SGO1: variants seen among roughly 807,000 people sequenced by gnomAD.
SGO1 encodes the protein shugoshin 1, also known as serologically defined breast cancer antigen NY-BR-85.
A neutral mutation model predicts 50.5 loss-of-function variants in SGO1; 39 were observed. The ratio of observed to expected loss-of-function variants is 0.77; its 90% confidence interval spans 0.60 to 1.01. The LOEUF is 1.01. Ranked by LOEUF, SGO1 falls within the 50% of genes least tolerant of loss-of-function variation. SGO1 has a pLI of 0.00. For missense variants in SGO1, 638 were observed against 606.0 expected, an observed-to-expected ratio of 1.05 and a Z score of -0.55; for synonymous variants, 191 against 205.1, an observed-to-expected ratio of 0.93 and a Z score of 0.59.
chr3:20,166,558 T>C (rs1384497461), downstream of SGO1, among the ~76,000 whole-genome samples: 1 of 151,904 alleles, frequency 6.6e-6, no homozygotes, highest in Non-Finnish European at 1.5e-5. Flanking sequence ...GTAAAAGTAG[T>C]GGTTACCAGA....
At chr3:20,162,670 C>A (rs887680612) in intron 8 of SGO1, among the ~76,000 whole-genome samples, 1 of 151,724 alleles carries the variant, frequency 6.6e-6, no homozygotes, top group Non-Finnish European at 1.5e-5. Context: ...ATAATGGAAT[C>A]GGCAGATAGG....
Position 20,174,716 on chromosome 3 carries a change from A to G in SGO1, c.815T>C (p.Ile272Thr), listed in dbSNP as rs762077557. The G allele has an allele frequency of 3.7e-6, 6 of 1,613,788 alleles. No homozygotes were observed. The Admixed American group carries it at 1.0e-4, about 27-fold the overall frequency. Residue 272 changes from isoleucine to threonine, a missense_variant, in exon 6 of 8, where the codon ATT (isoleucine) becomes ACT (threonine). Ile to Thr is a moderately conservative substitution (Grantham distance 89, BLOSUM62 -1). Transcript: ENST00000412997. The stretch of plus-strand genomic sequence containing the variant: ...AGTTTGTTCAGATTTAGATTCTAAA[A>G]TGTCTTCTTTTGTTTTAGTAAACGT... ...PGTFTKTKED[I>T]LESKSEQTKS...
downstream of SGO1, among the ~76,000 whole-genome samples, chr3:20,167,184 A>G (rs1413545617): frequency 1.3e-5 from 2 of 152,194 alleles, no homozygotes; most frequent in African/African-American, 4.8e-5. Flanking sequence ...GAAAGAAGAC[A>G]TTAGTCAATG....
intron 6 of SGO1, among the ~76,000 whole-genome samples, chr3:20,172,792 T>TAA (rs60411282): frequency 0.073 from 7,255 of 98,866 alleles, 628 homozygotes; most frequent in East Asian, 0.2. Flanking sequence ...TCACAAAAAG[T>TAA]AAAAAAAAAA....
rs763711490 is a variant in SGO1, at chr3:20,174,701, G to C, written c.830C>G (p.Ser277Cys). ...TCTTTGCTTACTTTTAGTTTGTTCAGATTTAGATTCTAAAATGTCTTCTTT... is the reference window on the plus strand; with the variant it reads ...TCTTTGCTTACTTTTAGTTTGTTCACATTTAGATTCTAAAATGTCTTCTTT... The part of the protein sequence containing the change: ...KTKEDILESK[S>C]EQTKSKQRDT... The change falls in exon 6 of 8, where the codon TCT (serine) becomes TGT (cysteine). Residue 277 changes from serine to cysteine, a missense_variant. Physicochemically the swap from Ser to Cys is moderately radical, Grantham distance 112. Coordinates refer to ENST00000412997, the MANE Select transcript of SGO1 (RefSeq NM_001199251.3). 7.3e-5 allele frequency: 118 copies of C among 1,613,176 alleles called. 1 individual carries two copies. Among genetic ancestry groups the C allele is most frequent in the South Asian group, 5.7e-4 (52 of 91,032 alleles).
rs779330556 is a variant in SGO1 at position 20,161,210 on chromosome 3, TG to T, written c.1580del (p.Ser527TyrfsTer34). Reference sequence around the variant, plus strand: ...AAATAAAAATTGCTTCTTTGGCAGGTGATACCTCCAGGGCTCCTGGTAAAAG... The same window carrying T: ...AAATAAAAATTGCTTCTTTGGCAGGTATACCTCCAGGGCTCCTGGTAAAAG... On this transcript the variant is annotated frameshift_variant, in exon 9 of 9. Coordinates refer to the SGO1 transcript ENST00000263753. LOFTEE classifies it high-confidence loss of function. 1 of 1,605,008 alleles carries T rather than the reference TG, an allele frequency of 6.2e-7. No individual in the cohort carries two copies. The highest frequency in any genetic ancestry group is 8.5e-7 in the Non-Finnish European group (1 of 1,175,704).
At chr3:20,180,549 G>A (rs181758451) in intron 3 of SGO1, among the ~76,000 whole-genome samples, 13 of 152,268 alleles carry the variant, frequency 8.5e-5, no homozygotes, top group Middle Eastern at 6.8e-3. Flanking sequence ...TAGAGGAGGT[G>A]AGAAGAGAAA....
chr3:20,175,495 T>C (rs1389598525), intron 5 of SGO1, among the ~76,000 whole-genome samples: 1 of 152,182 alleles, frequency 6.6e-6, no homozygotes, highest in Non-Finnish European at 1.5e-5. Context: ...TCAATCTTTA[T>C]AATCTTTAAA....
At position 20,170,734 on chromosome 3, in the gene SGO1, ACG is replaced by A. The variant is rs1275971921; in HGVS notation, c.1552_1553del (p.Arg518PhefsTer2). 6.3e-7 allele frequency: 1 copy of A among 1,589,110 alleles called. No individual in the cohort carries two copies. Among genetic ancestry groups the A allele is most frequent in the East Asian group, 2.3e-5 (1 of 44,364 alleles). ...GTATTTGTTTCATACTTTTTTTAGA[ACG>A]TCTCAAATCCTTTTTCTGCTTGAAA... ...PIFKQKKDLR[R>X]SKKSMKQIQ On this transcript the variant is annotated frameshift_variant, in exon 8 of 8. Coordinates refer to ENST00000412997, the MANE Select transcript of SGO1 (RefSeq NM_001199251.3). LOFTEE classifies it high-confidence loss of function.
chr3:20,186,513 C>T (rs17006711), upstream of SGO1: 44,756 of 152,198 alleles, frequency 0.29, 7,811 homozygotes, highest in East Asian at 0.73. Flanking sequence ...CTGACAGCTT[C>T]AAATGTCCCG....
intron 6 of SGO1, among the ~76,000 whole-genome samples, chr3:20,173,439 T>C (rs1482104052): frequency 6.6e-6 from 1 of 152,020 alleles, no homozygotes; most frequent in Non-Finnish European, 1.5e-5. Context: ...CCCGCCCGGC[T>C]TACAGCATAT....
chr3:20,182,328 C>T (rs1347806258), intron 3 of SGO1, among the ~76,000 whole-genome samples: 1 of 152,060 alleles, frequency 6.6e-6, no homozygotes, highest in Non-Finnish European at 1.5e-5. Context: ...AGTACCTGCC[C>T]ACCTCCTCCC....
rs10662477 is a variant in SGO1 at position 20,177,877 on chromosome 3, TTTTATTTA to T, written c.416+386_416+393del. Among the ~76,000 whole-genome samples the T allele has an allele frequency of 2.4e-3, 358 of 151,164 alleles. 4 individuals carry two copies. In the Middle Eastern group the frequency reaches 0.024, roughly 10 times the overall value. On this transcript the variant is annotated intron_variant, in intron 4 of 7. Coordinates refer to ENST00000412997, the MANE Select transcript of SGO1 (RefSeq NM_001199251.3). ...TGGGACAACTGTGTTAAATATGATA[TTTTATTTA>T]TTTATTTATTTATTTATTTTCTGAA...
chr3:20,171,972 T>C (rs1260361909), intron 6 of SGO1, among the ~76,000 whole-genome samples: 86 of 152,192 alleles, frequency 5.7e-4, no homozygotes, highest in Admixed American at 5.6e-3. Context: ...AAGCAAACTG[T>C]ATCCCCAAAA....
intron 4 of SGO1, 88 bp downstream of exon 4, chr3:20,178,183 G>C: frequency 3.3e-6 from 3 of 913,738 alleles, no homozygotes; most frequent in Non-Finnish European, 5.3e-6. Flanking sequence ...TATAAGAGTT[G>C]ACATGATGCA....
chr3:20,166,085 C>T (rs1403136469), downstream of SGO1, among the ~76,000 whole-genome samples: 16 of 152,040 alleles, frequency 1.1e-4, no homozygotes, highest in Non-Finnish European at 1.8e-4. Context: ...CAAATCCTAC[C>T]TATGTATTAA....
rs748571368 is a variant in SGO1 at position 20,174,575 on chromosome 3, GTTTT to G, written c.952_955del (p.Lys318LeufsTer34). On this transcript the variant is annotated frameshift_variant, in exon 6 of 8. Coordinates refer to ENST00000412997, the MANE Select transcript of SGO1 (RefSeq NM_001199251.3). LOFTEE classifies it high-confidence loss of function. ...TTTGTGCATTTTTTTTTGGGGAACA[GTTTT>G]TTTATTTTCGCTTTTATTCTCTTTA... 1 of 1,603,678 alleles carries G rather than the reference GTTTT, an allele frequency of 6.2e-7. No homozygotes were observed. Among genetic ancestry groups the G allele is most frequent in the Non-Finnish European group, 8.5e-7 (1 of 1,177,288 alleles).
At chr3:20,165,690 GA>G (rs1391601319), downstream of SGO1, among the ~76,000 whole-genome samples, 1 of 152,134 alleles carries the variant, frequency 6.6e-6, no homozygotes, top group Non-Finnish European at 1.5e-5. Context: ...CCTTGATACC[GA>G]AAATAGGTGT....
Position 20,174,514 on chromosome 3 carries a change from C to A in SGO1, c.1017G>T (p.Leu339Phe). The A allele has an allele frequency of 1.2e-6, 2 of 1,614,152 alleles. No homozygotes were observed. The highest frequency in any genetic ancestry group is 1.7e-6 in the Non-Finnish European group (2 of 1,180,020). Residue 339 changes from leucine (L) to phenylalanine (F), a missense_variant, in exon 6 of 8, where the codon TTG becomes TTT. Leu to Phe is a conservative substitution (Grantham distance 22). Transcript: ENST00000412997. ...AAGGAGTAAGATGAACACCCTCTTC[C>A]AAATTAAAATTGTAAGCATCATTGG... ...VSSNDAYNFN[L>F]EEGVHLTPFR...
Sources: allele counts gnomAD v4.1 joint callset (sites outside exome capture counted in the v4.1 genomes callset), GRCh38; gene constraint gnomAD v4.1.1; transcripts MANE v1.5; gene names NCBI Gene and HGNC (gene_info 2026-07-23, HGNC 2026-07-21).